POU6F2: variants seen among roughly 807,000 people sequenced by gnomAD.
POU6F2 encodes POU domain, class 6, transcription factor 2.
In POU6F2, 31 loss-of-function variants were observed where a neutral mutation model predicts 71.3. The observed-to-expected ratio is 0.43, with a 90% CI of 0.33 to 0.59. The LOEUF (loss-of-function observed/expected upper bound fraction) is 0.59. Among genes scored for constraint, POU6F2 ranks in the 20% least tolerant of loss-of-function variants. The pLI, the probability that POU6F2 is intolerant of heterozygous loss-of-function variation, is 0.04. For synonymous variants in POU6F2, 347 were observed against 355.7 expected, an observed-to-expected ratio of 0.98 and a Z score of 0.27; for missense variants, 783 against 856.8, an observed-to-expected ratio of 0.91 and a Z score of 1.07.
At position 39,010,322 on chromosome 7, in the gene POU6F2, T is replaced by C. The variant is rs1439503302; in HGVS notation, c.105+32264T>C. On this transcript the variant is annotated intron_variant, in intron 1 of 9. Transcript: ENST00000518318. ...TAGTTTATTTGCGTAGAGGTGTTTGTAGTATTCTCTGATGGTAGTTTGTAT... is the reference window on the plus strand; with the variant it reads ...TAGTTTATTTGCGTAGAGGTGTTTGCAGTATTCTCTGATGGTAGTTTGTAT... Among the ~76,000 whole-genome samples the C allele has an allele frequency of 2.5e-3, 375 of 148,752 alleles. 2 individuals carry two copies. The highest frequency in any genetic ancestry group is 8.7e-3 in the African/African-American group (354 of 40,880).
At chr7:39,303,660 G>A (rs796128708) in intron 4 of POU6F2, among the ~76,000 whole-genome samples, 1 of 152,156 alleles carries the variant, frequency 6.6e-6, no homozygotes, top group East Asian at 1.9e-4. Context: ...GTCAATGTGG[G>A]AGCAAAGCTT....
intron 1 of POU6F2, among the ~76,000 whole-genome samples, chr7:39,050,011 A>T (rs1261742856): frequency 6.6e-6 from 1 of 151,992 alleles, no homozygotes; most frequent in African/African-American, 2.4e-5. Flanking sequence ...CTATTTTAAG[A>T]TGCCATATTA....
rs563802406 is a variant in POU6F2, at chr7:39,085,938, G to A, written c.184G>A (p.Asp62Asn). Reference protein sequence around the residue: ...SEMNAELRGEDKAATSDSELN... With the variant: ...SEMNAELRGENKAATSDSELN... ...AATGAATGCGGAGTTGAGAGGTGAG[G>A]ACAAGGCTGCTACTTCAGACAGCGA... The change falls in exon 2 of 10, where the codon GAC (aspartate) becomes AAC (asparagine). Residue 62 changes from aspartate (D) to asparagine (N), a missense_variant. Around this residue, in one of 2 missense-constraint regions of POU6F2, gnomAD observed 572 missense variants for 572.9 expected, o/e 1.00. Transcript: ENST00000518318. The A allele has an allele frequency of 2.5e-6, 4 of 1,613,554 alleles. No individual in the cohort carries two copies. Among genetic ancestry groups the A allele is most frequent in the Non-Finnish European group, 1.7e-6 (2 of 1,179,802 alleles).
At chr7:39,220,770 A>G (rs1273565745) in intron 4 of POU6F2, among the ~76,000 whole-genome samples, 2 of 152,060 alleles carry the variant, frequency 1.3e-5, no homozygotes, top group East Asian at 1.9e-4. Context: ...TAAATGTGAT[A>G]CTATATGGAA....
intron 5 of POU6F2, among the ~76,000 whole-genome samples, chr7:39,402,439 CCTCA>C (rs915360415): frequency 6.6e-6 from 1 of 151,724 alleles, no homozygotes; most frequent in Non-Finnish European, 1.5e-5. Flanking sequence ...TCCTGCATTC[CCTCA>C]CTATCAAATC....
intron 1 of POU6F2, among the ~76,000 whole-genome samples, chr7:39,036,081 C>A (rs1307736413): frequency 2.0e-5 from 3 of 152,004 alleles, no homozygotes; most frequent in Non-Finnish European, 4.4e-5. Flanking sequence ...ACAGGTGGAG[C>A]CTTTGCCTAC....
intron 4 of POU6F2, among the ~76,000 whole-genome samples, chr7:39,327,868 A>AT (rs1785546587): frequency 6.6e-6 from 1 of 151,272 alleles, no homozygotes; most frequent in South Asian, 2.1e-4. Context: ...AAAAAAAAAA[A>AT]GATGGTGTTC....
At chr7:39,441,009 T>C (rs1788390130) in intron 7 of POU6F2, among the ~76,000 whole-genome samples, 1 of 152,008 alleles carries the variant, frequency 6.6e-6, no homozygotes. Context: ...TCCGATTCAC[T>C]CCCGTGCCTG....
intron 1 of POU6F2, among the ~76,000 whole-genome samples, chr7:39,023,997 T>C (rs923226120): frequency 5.9e-5 from 9 of 152,178 alleles, no homozygotes; most frequent in African/African-American, 2.2e-4. Flanking sequence ...GGCTCTTTTT[T>C]GGTTCCATAT....
chr7:39,023,316 A>G (rs184566292), intron 1 of POU6F2, among the ~76,000 whole-genome samples: 345 of 152,128 alleles, frequency 2.3e-3, no homozygotes, highest in African/African-American at 8.0e-3. Context: ...GGCTTTTAAA[A>G]GAAGAAATTT....
chr7:39,363,153 G>T (rs955187683), intron 5 of POU6F2, among the ~76,000 whole-genome samples: 3 of 152,174 alleles, frequency 2.0e-5, no homozygotes, highest in Admixed American at 6.5e-5. Flanking sequence ...ATCATGGTTT[G>T]TACCATGTTG....
intron 4 of POU6F2, among the ~76,000 whole-genome samples, chr7:39,282,652 T>C (rs1784581393): frequency 6.6e-6 from 1 of 152,160 alleles, no homozygotes; most frequent in African/African-American, 2.4e-5. Context: ...GGTCTGTTTT[T>C]CTAAAAGTAC....
chr7:39,167,260 C>A (rs923316216), intron 2 of POU6F2, among the ~76,000 whole-genome samples: 1 of 152,008 alleles, frequency 6.6e-6, no homozygotes. Context: ...TTATTAAAAA[C>A]TTTTCTTTTG....
At chr7:39,266,714 T>TTG (rs1784251162) in intron 4 of POU6F2, among the ~76,000 whole-genome samples, 1 of 147,024 alleles carries the variant, frequency 6.8e-6, no homozygotes, top group Non-Finnish European at 1.5e-5. Context: ...TTTTTTTTTT[T>TTG]GAATTGACAC....
At chr7:39,396,302 T>A (rs897128285) in intron 5 of POU6F2, among the ~76,000 whole-genome samples, 1 of 152,198 alleles carries the variant, frequency 6.6e-6, no homozygotes, top group Admixed American at 6.5e-5. Flanking sequence ...GTCAGTAAAT[T>A]TAAAAATAAA....
At chr7:39,448,585 C>A (rs1277582402) in intron 7 of POU6F2, among the ~76,000 whole-genome samples, 1 of 152,136 alleles carries the variant, frequency 6.6e-6, no homozygotes, top group African/African-American at 2.4e-5. Context: ...ATTTTATTTT[C>A]ATCTGAAATT....
chr7:39,247,793 A>G (rs1783847379), intron 4 of POU6F2, among the ~76,000 whole-genome samples: 1 of 152,170 alleles, frequency 6.6e-6, no homozygotes, highest in African/African-American at 2.4e-5. Flanking sequence ...GAAGTCACAG[A>G]CTTTTAAGTT....
intron 4 of POU6F2, among the ~76,000 whole-genome samples, chr7:39,224,967 C>G (rs1794433737): frequency 6.6e-6 from 1 of 152,152 alleles, no homozygotes; most frequent in African/African-American, 2.4e-5. Flanking sequence ...TGATTTGCAG[C>G]CAGCTGCCAA....
intron 4 of POU6F2, among the ~76,000 whole-genome samples, chr7:39,216,577 T>C (rs762570127): frequency 8.5e-5 from 13 of 152,090 alleles, no homozygotes; most frequent in Non-Finnish European, 1.2e-4. Context: ...ATGCAACTGT[T>C]CTCTGTCTAG....
Sources: allele counts gnomAD v4.1 joint callset (sites outside exome capture counted in the v4.1 genomes callset), GRCh38; gene constraint gnomAD v4.1.1; regional missense constraint gnomAD v4.1.1; transcripts MANE v1.5; gene names NCBI Gene and HGNC (gene_info 2026-07-23, HGNC 2026-07-21).